SYN1: variants seen among roughly 807,000 people sequenced by gnomAD.
SYN1 encodes the protein synapsin-1.
Under a neutral mutation model 44.6 loss-of-function variants are expected in SYN1, and 8 were observed. That is an observed-to-expected ratio of 0.18 (90% CI 0.11 to 0.32). The LOEUF is 0.32. Among genes scored for constraint, SYN1 ranks in the 10% least tolerant of loss-of-function variants. SYN1 has a pLI of 1.00. For synonymous variants in SYN1, 275 were observed against 280.1 expected (o/e 0.98, Z 0.18); for missense variants, 451 against 639.4 (o/e 0.71, Z 3.18).
chrX:47,604,139 C>T (rs928847820), intron 5 of SYN1, among the ~76,000 whole-genome samples: 4 of 110,561 alleles, frequency 3.6e-5, no homozygotes, highest in African/African-American at 1.3e-4. Flanking sequence ...AAACTCCCGA[C>T]CTCAGGTGAT....
chrX:47,605,567 C>T (rs905987514), intron 3 of SYN1, among the ~76,000 whole-genome samples, 188 bp from the exon 4 acceptor site: 2 of 111,997 alleles, frequency 1.8e-5, no homozygotes, highest in African/African-American at 6.5e-5. Context: ...ACCTGGTGAT[C>T]CCCTTTAAGC....
chrX:47,584,927 C>A (rs750755787), intron 5 of SYN1: 6 of 1,205,203 alleles, frequency 5.0e-6, no homozygotes, highest in Non-Finnish European at 6.7e-6. Context: ...TTTCCCTCCT[C>A]TCCTGCAGTC....
At chrX:47,593,009 G>C (rs2057852855) in intron 5 of SYN1, among the ~76,000 whole-genome samples, 1 of 109,767 alleles carries the variant, frequency 9.1e-6, no homozygotes, top group Non-Finnish European at 1.9e-5. Flanking sequence ...CGAGTAGCTG[G>C]GACTACAAGG....
chrX:47,593,660 G>A (rs2057855234), intron 5 of SYN1, among the ~76,000 whole-genome samples: 3 of 111,998 alleles, frequency 2.7e-5, no homozygotes, highest in African/African-American at 9.7e-5. Context: ...AACAATTTAT[G>A]TGGCCATTGG....
chrX:47,572,721 CGGGGATCTTGAGGAATGAGAG>C lies in SYN1; in HGVS notation c.*122_*142del. 1 of 917,041 alleles carries C rather than the reference CGGGGATCTTGAGGAATGAGAG, an allele frequency of 1.1e-6. No individual in the cohort carries two copies. Among genetic ancestry groups the C allele is most frequent in the Non-Finnish European group, 1.5e-6 (1 of 653,221 alleles). The allele number at this position is 917,041 out of a possible 1,213,427, so 75.6% of individuals were successfully genotyped here. A position where few individuals can be genotyped will look rare whatever the true frequency, so the allele number is the denominator to read the frequency against. On this transcript the variant is annotated 3_prime_UTR_variant, in exon 13 of 13. Transcript: ENST00000295987. Reference sequence around the variant, plus strand: ...GAGGAGTCAGGTTTCTCAAGGTACTCGGGGATCTTGAGGAATGAGAGGTGGAATCTTGGAGAACCGGGAGAT... The same window carrying C: ...GAGGAGTCAGGTTTCTCAAGGTACTCGTGGAATCTTGGAGAACCGGGAGAT...
intron 5 of SYN1, among the ~76,000 whole-genome samples, chrX:47,594,272 C>T (rs2057857171): frequency 9.2e-6 from 1 of 108,848 alleles, no homozygotes; most frequent in East Asian, 2.9e-4. Flanking sequence ...TGGCTCACGT[C>T]TGTAATCCCA....
chrX:47,587,082 T>C (rs1017803146), intron 5 of SYN1, among the ~76,000 whole-genome samples: 1 of 112,890 alleles, frequency 8.9e-6, no homozygotes, highest in Non-Finnish European at 1.9e-5. Flanking sequence ...CAGGGCTTTC[T>C]AGTTATAAAT....
intron 5 of SYN1, among the ~76,000 whole-genome samples, chrX:47,591,576 C>T (rs1252465782): frequency 1.8e-5 from 2 of 110,207 alleles, no homozygotes; most frequent in African/African-American, 6.6e-5. Flanking sequence ...CAAAAATTAG[C>T]TGGGTGTGGT....
intron 3 of SYN1, 57 bp downstream of exon 3, chrX:47,606,888 C>T: frequency 8.9e-7 from 1 of 1,120,607 alleles, no homozygotes; most frequent in Non-Finnish European, 1.2e-6. Flanking sequence ...TCCCCCAGCT[C>T]TAAGGGAGAG....
chrX:47,594,646 C>A (rs192245995), intron 5 of SYN1, among the ~76,000 whole-genome samples: 157 of 111,816 alleles, frequency 1.4e-3, no homozygotes, highest in Non-Finnish European at 3.6e-4. Flanking sequence ...AACAGACAGG[C>A]CTTGCTGGGT....
At chrX:47,608,701 C>T (rs913041805) in intron 1 of SYN1, among the ~76,000 whole-genome samples, 8 of 109,769 alleles carry the variant, frequency 7.3e-5, no homozygotes, top group Admixed American at 1.9e-4. Flanking sequence ...TCCCCGGGCC[C>T]GTCCCCAGCT....
intron 5 of SYN1, chrX:47,585,534 T>C: frequency 8.3e-7 from 1 of 1,200,619 alleles, no homozygotes. Context: ...GCCCCGCCTT[T>C]CTCCTTAGGA....
intron 5 of SYN1, chrX:47,585,349 C>T (rs200716901): frequency 2.1e-5 from 26 of 1,209,392 alleles, no homozygotes; most frequent in Admixed American, 6.6e-5. Context: ...ACCGTCCCCG[C>T]GCCCTGTGCC....
intron 5 of SYN1, among the ~76,000 whole-genome samples, chrX:47,603,559 T>C (rs1469631869): frequency 8.9e-6 from 1 of 112,055 alleles, no homozygotes; most frequent in Non-Finnish European, 1.9e-5. Context: ...TTAGTTGTTA[T>C]ATTTGATGAT....
chrX:47,618,596 C>T (rs976442020), intron 1 of SYN1, among the ~76,000 whole-genome samples: 1 of 110,870 alleles, frequency 9.0e-6, no homozygotes, highest in Non-Finnish European at 1.9e-5. Context: ...GGGTGCGGCA[C>T]GTATCAGGCA....
chrX:47,591,519 G>A (rs1467646898), intron 5 of SYN1, among the ~76,000 whole-genome samples: 8 of 110,279 alleles, frequency 7.3e-5, no homozygotes, highest in Non-Finnish European at 3.8e-5. Flanking sequence ...TCAGGAGTTC[G>A]AGACCAGCCT....
chrX:47,612,549 G>A (rs915049786), intron 1 of SYN1, among the ~76,000 whole-genome samples: 3 of 111,882 alleles, frequency 2.7e-5, no homozygotes, highest in Admixed American at 1.9e-4. Flanking sequence ...GGTTGTCTTA[G>A]TATGTGGGTG....
chrX:47,615,113 T>A (rs1309872139), intron 1 of SYN1, among the ~76,000 whole-genome samples: 1 of 111,990 alleles, frequency 8.9e-6, no homozygotes, highest in Non-Finnish European at 1.9e-5. Context: ...ACTATATATG[T>A]ATTTGCATAA....
chrX:47,607,381 G>A (rs1405495885), intron 1 of SYN1, among the ~76,000 whole-genome samples, 183 bp from the exon 2 acceptor site: 1 of 111,785 alleles, frequency 8.9e-6, no homozygotes, highest in African/African-American at 3.3e-5. Flanking sequence ...AATCCTCATG[G>A]AGTTGCAAAA....
Sources: allele counts gnomAD v4.1 joint callset (sites outside exome capture counted in the v4.1 genomes callset), GRCh38; gene constraint gnomAD v4.1.1; transcripts MANE v1.5; gene names NCBI Gene and HGNC (gene_info 2026-07-23, HGNC 2026-07-21).